The following C3 variants were observed in gnomAD, a reference collection of about 807,000 sequenced individuals.
The protein encoded by C3 is C3 and PZP-like alpha-2-macroglobulin domain-containing protein 1.
Under a neutral mutation model 207.9 loss-of-function variants are expected in C3, and 97 were observed. The observed-to-expected ratio is 0.47, with a 90% confidence interval of 0.40 to 0.55. The LOEUF is 0.55. C3 is among the 20% of genes least tolerant of loss of function. The probability of loss-of-function intolerance (pLI) is 0.00; values close to 1 mark genes in which losing one functional copy is unlikely to be tolerated. For synonymous variants in C3, 848 were observed against 857.6 expected (o/e 0.99, Z 0.20); for missense variants, 1,684 against 2,171.7 (o/e 0.78, Z 4.46).
chr19:6,695,566 G>A (rs1967513926), intron 23 of C3, among the ~76,000 whole-genome samples: 1 of 151,948 alleles, frequency 6.6e-6, no homozygotes, highest in Non-Finnish European at 1.5e-5. Context: ...TGCAACCTAC[G>A]CCTCCCACGT....
intron 19 of C3, among the ~76,000 whole-genome samples, chr19:6,699,140 A>G: frequency 6.6e-6 from 1 of 152,150 alleles, no homozygotes; most frequent in Non-Finnish European, 1.5e-5. Context: ...AGTGAATTAA[A>G]TCTTAATTTT....
At chr19:6,689,336 C>CTACCTACCTACCTACCTACCT (rs1568213464) in intron 27 of C3, among the ~76,000 whole-genome samples, 1 of 46,756 alleles carries the variant, frequency 2.1e-5, no homozygotes, top group African/African-American at 1.2e-4. Flanking sequence ...TACCTCCCTC[C>CTACCTACCTACCTACCTACCT]CTCCCTCCCT....
chr19:6,678,001 C>G lies in C3; in HGVS notation c.4873G>C (p.Asp1625His), dbSNP rs1246301088. ...KPNLSYIIGKDTWVEHWPEED... is the reference protein window; with the variant it reads ...KPNLSYIIGKHTWVEHWPEED... ...TCGGGCCAGTGCTCCACCCAAGTGT[C>G]CTTCCCGATGATGTAGCTGAGGCTG... Residue 1625 changes from aspartate to histidine, a missense_variant, in exon 41 of 41, where the codon GAC (aspartate) becomes CAC (histidine). By Grantham distance (81) the Asp-to-His change is moderately conservative (BLOSUM62 -1). This residue lies in a region of C3 where 346 missense variants were observed against 380.1 expected (regional missense o/e 0.91). Coordinates refer to ENST00000245907, the MANE Select transcript of C3 (RefSeq NM_000064.4). 1 of 1,613,966 alleles carries G rather than the reference C, an allele frequency of 6.2e-7. No homozygotes were observed. Among genetic ancestry groups the G allele is most frequent in the Non-Finnish European group, 8.5e-7 (1 of 1,180,032 alleles).
chr19:6,690,922 G>A (rs571121937), intron 26 of C3, among the ~76,000 whole-genome samples, 195 bp from the exon 27 acceptor site: 5 of 152,296 alleles, frequency 3.3e-5, no homozygotes, highest in Admixed American at 2.0e-4. Context: ...AAATGTCAAT[G>A]TACAATGTGC....
intron 9 of C3, 81 bp downstream of exon 9, chr19:6,713,107 AG>A (rs752949767): frequency 1.9e-6 from 3 of 1,540,934 alleles, no homozygotes; most frequent in Non-Finnish European, 2.7e-6. Flanking sequence ...TCCTTAGACT[AG>A]GCTTTCTCTT....
Position 6,679,687 on chromosome 19 carries a change from A to C in C3, c.4457-191T>G, listed in dbSNP as rs545077437. Among the ~76,000 whole-genome samples, 6 of 152,044 alleles carry C rather than the reference A, an allele frequency of 3.9e-5. No homozygotes were observed. The South Asian group carries it at 1.3e-3, about 32-fold the overall frequency. ...GGATTCTCAGACCCTTGAGTCTCTT[A>C]GACTCTCAACTCACAGAAGCCTGGG... On this transcript the variant is annotated intron_variant, in intron 36 of 40. Transcript: ENST00000245907.
chr19:6,702,456 G>C lies in C3; in HGVS notation c.2354+15C>G. The C allele has an allele frequency of 6.5e-7, 1 of 1,548,004 alleles. No individual in the cohort carries two copies. The highest frequency in any genetic ancestry group is 1.1e-5 in the South Asian group (1 of 89,752). ...GACTCTGGGGTGGGTTGTACCGGGG[G>C]TACCCCGGCCTTACCCATTTTTCGG... On this transcript the variant is annotated intron_variant, in intron 18 of 40. Transcript: ENST00000245907.
Position 6,677,802 on chromosome 19 carries a change from G to T in C3, c.*80C>A. The T allele has an allele frequency of 6.4e-7, 1 of 1,567,696 alleles. No homozygotes were observed. ...GCAGGTGAGGCGGCTGGGGATTTCAGCCTCTCCCTCTTGGCAAAGAACTCC... is the reference window on the plus strand; with the variant it reads ...GCAGGTGAGGCGGCTGGGGATTTCATCCTCTCCCTCTTGGCAAAGAACTCC... On this transcript the variant is annotated 3_prime_UTR_variant, in exon 41 of 41. Coordinates refer to ENST00000245907, the MANE Select transcript of C3 (RefSeq NM_000064.4).
intron 25 of C3, 152 bp from the exon 26 acceptor site, chr19:6,693,235 C>G: frequency 9.0e-7 from 1 of 1,111,976 alleles, no homozygotes; most frequent in Non-Finnish European, 1.3e-6. Flanking sequence ...GTATGCGGTC[C>G]GTGCTTAAGG....
intron 4 of C3, 184 bp downstream of exon 4, chr19:6,717,910 C>A (rs1394781510): frequency 1.5e-6 from 1 of 684,972 alleles, no homozygotes; most frequent in Non-Finnish European, 2.7e-6. Context: ...GTATTGTGTG[C>A]TGTGTGTGTG....
chr19:6,710,560 AG>A (rs1967896506), intron 13 of C3, 78 bp downstream of exon 13: 154 of 1,064,340 alleles, frequency 1.4e-4, no homozygotes, highest in Middle Eastern at 1.0e-3. Context: ...AGAGAGAGAG[AG>A]AGAGGAGACA....
Position 6,677,729 on chromosome 19 carries a change from A to C in C3, c.*153T>G. On this transcript the variant is annotated 3_prime_UTR_variant, in exon 41 of 41. Transcript: ENST00000245907. ...CACACTAGCAGGCGAACGCCAGGAGAAAATGCGGTGGGAACAGGTGAGGTT... is the reference window on the plus strand; with the variant it reads ...CACACTAGCAGGCGAACGCCAGGAGCAAATGCGGTGGGAACAGGTGAGGTT... 1.0e-6 allele frequency: 1 copy of C among 960,928 alleles called. No individual in the cohort carries two copies. Among genetic ancestry groups the C allele is most frequent in the South Asian group, 1.5e-5 (1 of 65,066 alleles). 59.5% of individuals were successfully genotyped at this position (960,928 alleles called of 1,614,324 possible).
At chr19:6,692,823 A>C in intron 26 of C3, 101 bp downstream of exon 26, 1 of 1,394,294 alleles carries the variant, frequency 7.2e-7, no homozygotes, top group Non-Finnish European at 1.0e-6. Context: ...TGCAAAGGGA[A>C]TTGGGCAGTG....
intron 23 of C3, 77 bp downstream of exon 23, chr19:6,696,302 A>G (rs1207840015): frequency 2.3e-6 from 2 of 867,248 alleles, no homozygotes; most frequent in East Asian, 5.2e-5. Flanking sequence ...CGGGTTAAAC[A>G]CCTCCAGAAT....
At chr19:6,708,617 T>C (rs1307899061) in intron 14 of C3, among the ~76,000 whole-genome samples, 1 of 146,470 alleles carries the variant, frequency 6.8e-6, no homozygotes, top group African/African-American at 2.5e-5. Flanking sequence ...CCTCCCTTCC[T>C]CTTTATCTCC....
chr19:6,705,686 T>C (rs1967759639), intron 17 of C3, among the ~76,000 whole-genome samples: 1 of 129,800 alleles, frequency 7.7e-6, no homozygotes, highest in Non-Finnish European at 1.7e-5. Context: ...TGTTTTGTTT[T>C]GTTTTTGAGA....
At position 6,678,475 on chromosome 19, in the gene C3, A is replaced by G. The variant is rs776863964; in HGVS notation, c.4631-20T>C. 1.9e-6 allele frequency: 3 copies of G among 1,611,220 alleles called. No individual in the cohort carries two copies. Among genetic ancestry groups the G allele is most frequent in the Admixed American group, 3.3e-5 (2 of 59,982 alleles). ...TGTACACTGTGGGGGAGAGGCAGAC[A>G]GTTTGGGTGGTGGGCTAGGTTGACC... On this transcript the variant is annotated intron_variant, in intron 38 of 40. Transcript: ENST00000245907.
At chr19:6,720,089 C>A (rs1968132042) in intron 1 of C3, among the ~76,000 whole-genome samples, 1 of 152,186 alleles carries the variant, frequency 6.6e-6, no homozygotes, top group South Asian at 2.1e-4. Flanking sequence ...CATCAATGAA[C>A]ACCACATACA....
In C3 at chr19:6,679,508, T is replaced by A. The variant is rs1388992177; in HGVS notation, c.4457-12A>T. The A allele has an allele frequency of 1.3e-6, 2 of 1,587,026 alleles. No homozygotes were observed. Among genetic ancestry groups the A allele is most frequent in the South Asian group, 1.1e-5 (1 of 90,464 alleles). On this transcript the variant is annotated splice_polypyrimidine_tract_variant and intron_variant, in intron 36 of 40. Transcript: ENST00000245907. ...GGTACAGCTTTCCTCTGCGGGCAGA[T>A]GTGATGTGAAGATGAGAGGATAAGG... is the stretch of plus-strand genomic sequence containing the variant.
Sources: allele counts gnomAD v4.1 joint callset (sites outside exome capture counted in the v4.1 genomes callset), GRCh38; gene constraint gnomAD v4.1.1; regional missense constraint gnomAD v4.1.1; transcripts MANE v1.5; gene names NCBI Gene and HGNC (gene_info 2026-07-23, HGNC 2026-07-21).